Variants in CTNND2 observed in about 807,000 individuals in gnomAD.
CTNND2 encodes the protein catenin delta-2.
A neutral mutation model predicts 144.4 loss-of-function variants in CTNND2; 22 were observed. That is an observed-to-expected ratio of 0.15 (90% CI 0.11 to 0.22). The LOEUF is 0.22. Ranked by LOEUF, CTNND2 falls within the 10% of genes least tolerant of loss-of-function variation. The pLI is 1.00. For missense variants in CTNND2, 1,353 were observed against 1,618.8 expected (o/e 0.84, Z 2.82); for synonymous variants, 751 against 695.6 (o/e 1.08, Z -1.25).
chr5:11,800,540 C>A (rs528984031), intron 1 of CTNND2, among the ~76,000 whole-genome samples: 106 of 152,194 alleles, frequency 7.0e-4, no homozygotes, highest in Admixed American at 1.5e-3. Context: ...TAGGTCAGAC[C>A]TTTACTGTGA....
At chr5:11,778,692 T>C (rs1790384684) in intron 1 of CTNND2, among the ~76,000 whole-genome samples, 2 of 152,116 alleles carry the variant, frequency 1.3e-5, no homozygotes, top group Admixed American at 1.3e-4. Flanking sequence ...CTAAAAGTAA[T>C]GTGGTGTCCT....
At chr5:11,861,488 T>C (rs1224701521) in intron 1 of CTNND2, among the ~76,000 whole-genome samples, 2 of 152,194 alleles carry the variant, frequency 1.3e-5, no homozygotes, top group South Asian at 4.1e-4. Context: ...AGCAAATTCT[T>C]TGACCTTCAG....
At chr5:11,083,144 G>GCGTATA (rs1444478726) in intron 15 of CTNND2, among the ~76,000 whole-genome samples, 1 of 152,198 alleles carries the variant, frequency 6.6e-6, no homozygotes, top group Non-Finnish European at 1.5e-5. Context: ...TATACTTGAT[G>GCGTATA]CTTCAAGATA....
intron 2 of CTNND2, among the ~76,000 whole-genome samples, chr5:11,639,538 T>C (rs1486966223): frequency 6.6e-6 from 1 of 152,222 alleles, no homozygotes; most frequent in Non-Finnish European, 1.5e-5. Flanking sequence ...TACAGTATCC[T>C]GTCTCTAATA....
intron 19 of CTNND2, among the ~76,000 whole-genome samples, chr5:10,991,971 G>A (rs964425435): frequency 2.0e-5 from 3 of 152,220 alleles, no homozygotes; most frequent in Non-Finnish European, 4.4e-5. Flanking sequence ...AGGCTGGGGT[G>A]CAGTGGCGCG....
intron 3 of CTNND2, among the ~76,000 whole-genome samples, chr5:11,550,511 A>G (rs1244330150): frequency 2.0e-5 from 3 of 152,238 alleles, no homozygotes; most frequent in Non-Finnish European, 2.9e-5. Flanking sequence ...CCTTGGACAG[A>G]TCTTTTCAAT....
intron 11 of CTNND2, among the ~76,000 whole-genome samples, chr5:11,168,995 A>T (rs563749471): frequency 6.6e-6 from 1 of 152,302 alleles, no homozygotes; most frequent in South Asian, 2.1e-4. Context: ...ACTGATCAAA[A>T]ATAATTTAAG....
intron 1 of CTNND2, among the ~76,000 whole-genome samples, chr5:11,870,714 G>T (rs4343839): frequency 0.98 from 149,460 of 152,288 alleles, 73,407 homozygotes; most frequent in East Asian, 1. Flanking sequence ...CTCAGTTCAG[G>T]CATGAAGAGG....
At chr5:11,117,596 C>G (rs898587892) in intron 12 of CTNND2, 29 bp from the exon 13 acceptor site, 58 of 1,564,292 alleles carry the variant, frequency 3.7e-5, no homozygotes, top group Non-Finnish European at 4.8e-5. Context: ...CGTCAGCGAT[C>G]TTCACGGTTG....
At chr5:11,394,992 A>G (rs1171486862) in intron 6 of CTNND2, among the ~76,000 whole-genome samples, 1 of 152,228 alleles carries the variant, frequency 6.6e-6, no homozygotes, top group Non-Finnish European at 1.5e-5. Flanking sequence ...GAATTATATT[A>G]GGCCTTGTGG....
intron 9 of CTNND2, among the ~76,000 whole-genome samples, chr5:11,265,842 G>C (rs32104): frequency 0.022 from 3,404 of 151,414 alleles, 87 homozygotes; most frequent in African/African-American, 0.052. Context: ...CTCCCGAGTA[G>C]ATGGGATTAC....
chr5:11,376,340 G>GTA (rs2149788249), intron 7 of CTNND2, among the ~76,000 whole-genome samples: 1 of 8,244 alleles, frequency 1.2e-4, no homozygotes, highest in African/African-American at 2.0e-4. Flanking sequence ...GTGTGTGTGT[G>GTA]TGTGTGTATT....
chr5:11,197,713 G>T (rs564321178), intron 11 of CTNND2, among the ~76,000 whole-genome samples: 1 of 152,296 alleles, frequency 6.6e-6, no homozygotes, highest in Non-Finnish European at 1.5e-5. Flanking sequence ...CTTTACAGCT[G>T]CTTCAAATGG....
chr5:11,241,112 C>T (rs1391292395), intron 9 of CTNND2, among the ~76,000 whole-genome samples: 1 of 151,434 alleles, frequency 6.6e-6, no homozygotes, highest in East Asian at 1.9e-4. Context: ...AACATGTACA[C>T]ACACACATCC....
chr5:10,997,189 G>A lies in CTNND2; in HGVS notation c.3085-4512C>T, dbSNP rs540302493. On this transcript the variant is annotated intron_variant, in intron 18 of 21. Transcript: ENST00000304623. ...TCTGTGGGGTTCTCTGAAATCCTCC[G>A]GAGGGTGGAGGCAAACACAGAGGAG... Among the ~76,000 whole-genome samples the A allele has an allele frequency of 2.5e-3, 388 of 152,236 alleles. 2 individuals carry two copies. The highest frequency in any genetic ancestry group is 4.8e-3 in the Non-Finnish European group (327 of 68,000).
chr5:11,405,375 T>C (rs1480025445), intron 5 of CTNND2, among the ~76,000 whole-genome samples: 1 of 152,192 alleles, frequency 6.6e-6, no homozygotes, highest in African/African-American at 2.4e-5. Context: ...AGGTATAACA[T>C]GCTTCTGAAA....
intron 9 of CTNND2, among the ~76,000 whole-genome samples, chr5:11,239,487 G>C (rs1271867283): frequency 6.6e-6 from 1 of 152,120 alleles, no homozygotes; most frequent in Non-Finnish European, 1.5e-5. Flanking sequence ...TCACTCTGCT[G>C]ATCTGCAAAT....
chr5:11,310,647 C>T (rs1490883040), intron 9 of CTNND2, among the ~76,000 whole-genome samples: 2 of 151,826 alleles, frequency 1.3e-5, no homozygotes, highest in Non-Finnish European at 2.9e-5. Flanking sequence ...CCCGGATTTA[C>T]CGACCTCTCC....
intron 1 of CTNND2, among the ~76,000 whole-genome samples, chr5:11,758,986 A>G (rs550049385): frequency 6.6e-6 from 1 of 152,204 alleles, no homozygotes; most frequent in East Asian, 1.9e-4. Context: ...TCAGTCAATT[A>G]TAAGTGCTCA....
Sources: allele counts gnomAD v4.1 joint callset (sites outside exome capture counted in the v4.1 genomes callset), GRCh38; gene constraint gnomAD v4.1.1; transcripts MANE v1.5; gene names NCBI Gene and HGNC (gene_info 2026-07-23, HGNC 2026-07-21).